Variants in TRIP12 observed in about 807,000 individuals in gnomAD.
TRIP12 encodes the protein thyroid hormone receptor interactor 12, also known as E3 ubiquitin-protein ligase TRIP12.
In TRIP12, 25 loss-of-function variants were observed where a neutral mutation model predicts 244.2. The observed-to-expected ratio is 0.10, with a 90% CI of 0.07 to 0.14. TRIP12 has a LOEUF of 0.14. TRIP12 is among the 10% of genes least tolerant of loss of function. TRIP12 has a pLI of 1.00. For synonymous variants in TRIP12, 905 were observed against 873.1 expected (o/e 1.04, Z -0.64); for missense variants, 1,677 against 2,486.4 (o/e 0.67, Z 6.92).
At chr2:229,804,529 T>C (rs766082466) in intron 18 of TRIP12, among the ~76,000 whole-genome samples, 4 of 152,104 alleles carry the variant, frequency 2.6e-5, no homozygotes, top group Non-Finnish European at 4.4e-5. Context: ...AATGAAACAA[T>C]AGGGAAATCC....
chr2:229,887,346 G>C (rs994367715), intron 1 of TRIP12, among the ~76,000 whole-genome samples: 1 of 152,228 alleles, frequency 6.6e-6, no homozygotes, highest in Non-Finnish European at 1.5e-5. Context: ...TGAAATGCTA[G>C]AGCAGTGAGG....
At position 229,818,355 on chromosome 2, in the gene TRIP12, T is replaced by G; in HGVS notation, c.1599+9A>C. The G allele has an allele frequency of 6.2e-7, 1 of 1,613,046 alleles. No individual in the cohort carries two copies. Among genetic ancestry groups the G allele is most frequent in the East Asian group, 2.2e-5 (1 of 44,832 alleles). On this transcript the variant is annotated intron_variant, in intron 9 of 41. Coordinates refer to ENST00000675903, the MANE Select transcript of TRIP12 (RefSeq NM_001348323.3). ...TGAGGTAAAAACGAGGGAAAAACAT[T>G]ATGCTTACCAAAGCTGGAACAACAC...
intron 1 of TRIP12, among the ~76,000 whole-genome samples, chr2:229,916,132 T>C (rs2075337585): frequency 6.6e-6 from 1 of 152,224 alleles, no homozygotes; most frequent in Non-Finnish European, 1.5e-5. Flanking sequence ...GAGCCTAATC[T>C]AAATACAGAA....
chr2:229,799,459 A>G (rs1411499820), intron 21 of TRIP12, 76 bp from the exon 22 acceptor site: 4 of 1,325,542 alleles, frequency 3.0e-6, no homozygotes, highest in Non-Finnish European at 4.3e-6. Context: ...AAAGCAAACT[A>G]AAATGGCAGA....
intron 38 of TRIP12, among the ~76,000 whole-genome samples, chr2:229,773,078 T>C (rs1395982554): frequency 1.4e-5 from 2 of 142,946 alleles, no homozygotes; most frequent in Non-Finnish European, 3.2e-5. Context: ...AATATATACA[T>C]GCTTTTTTTT....
At position 229,921,979 on chromosome 2, in the gene TRIP12, G is replaced by C. The variant is rs1048347194; in HGVS notation, c.-149C>G. The stretch of plus-strand genomic sequence containing the variant: ...CCAGCGGCGCGGCGGCGGCGGCTCC[G>C]GGTTCCTTCAATTATCAGCTGAGCC... On this transcript the variant is annotated 5_prime_UTR_variant, in exon 1 of 42. Coordinates refer to ENST00000675903, the MANE Select transcript of TRIP12 (RefSeq NM_001348323.3). 7.8e-6 allele frequency: 1 copy of C among 127,822 alleles called. No individual in the cohort carries two copies. The allele number at this position is 127,822 out of a possible 1,614,324, so 7.9% of individuals were successfully genotyped here.
chr2:229,784,840 A>G (rs893368528), intron 34 of TRIP12, among the ~76,000 whole-genome samples: 3 of 152,258 alleles, frequency 2.0e-5, no homozygotes, highest in Admixed American at 2.0e-4. Flanking sequence ...AAAATGTGAC[A>G]GCCACTTTGG....
chr2:229,922,012 C>G (rs1183025036), upstream of TRIP12: 1 of 152,556 alleles, frequency 6.6e-6, no homozygotes, highest in Non-Finnish European at 1.5e-5. Context: ...GCCGCAGCAC[C>G]GCGCCCGGCG....
chr2:229,800,614 T>A (rs1169208665), intron 21 of TRIP12, among the ~76,000 whole-genome samples: 1 of 152,230 alleles, frequency 6.6e-6, no homozygotes. Context: ...ACATGAATTT[T>A]TCATTTGCAA....
intron 7 of TRIP12, 63 bp downstream of exon 7, chr2:229,830,693 A>G: frequency 6.9e-7 from 1 of 1,451,136 alleles, no homozygotes; most frequent in Non-Finnish European, 9.6e-7. Context: ...AATTTCAATA[A>G]AGAATGGTAT....
rs763557758 is a variant in TRIP12, at chr2:229,802,430, C to T, written c.3028G>A (p.Glu1010Lys). 2 of 1,613,718 alleles carry T rather than the reference C, an allele frequency of 1.2e-6. No individual in the cohort carries two copies. Among genetic ancestry groups the T allele is most frequent in the Non-Finnish European group, 1.7e-6 (2 of 1,179,788 alleles). The change falls in exon 21 of 42, where the codon GAA (glutamate) becomes AAA (lysine). Residue 1010 changes from glutamate (E) to lysine (K), a missense_variant. Physicochemically the swap from Glu to Lys is moderately conservative, Grantham distance 56. Coordinates refer to ENST00000675903, the MANE Select transcript of TRIP12 (RefSeq NM_001348323.3). ...GVMHQVKHLA[E>K]SESLLTSPPK... ...GGACTTGTCAACAAAGACTCTGATT[C>T]TGCTAAGTGTTTTACTTGATGCATT...
At position 229,858,858 on chromosome 2, in the gene TRIP12, A is replaced by G; in HGVS notation, c.941T>C (p.Leu314Pro). ...TGGAAGAGACAGTTTTGTTTTAGGA[A>G]GGCTAACTTTAGGGCTGAAACGAGC... ...WAARFSPKVS[L>P]PKTKLSLPGS... is the part of the protein sequence containing the mutation. The change falls in exon 4 of 42, where the codon CTT (leucine) becomes CCT (proline). Residue 314 changes from leucine (L) to proline (P), a missense_variant. Physicochemically the swap from Leu to Pro is moderately conservative, Grantham distance 98. This residue lies in a region of TRIP12 where 387 missense variants were observed against 392.6 expected (regional missense o/e 0.99). Transcript: ENST00000675903. 6.2e-7 allele frequency: 1 copy of G among 1,614,212 alleles called. No homozygotes were observed. The highest frequency in any genetic ancestry group is 8.5e-7 in the Non-Finnish European group (1 of 1,180,026).
At chr2:229,868,234 G>A (rs1387880052) in intron 2 of TRIP12, among the ~76,000 whole-genome samples, 1 of 152,040 alleles carries the variant, frequency 6.6e-6, no homozygotes, top group Non-Finnish European at 1.5e-5. Flanking sequence ...TTGAGACAGG[G>A]TCTCTAGTCC....
chr2:229,886,327 T>C (rs978965531), intron 1 of TRIP12, among the ~76,000 whole-genome samples: 11 of 152,084 alleles, frequency 7.2e-5, no homozygotes, highest in Non-Finnish European at 4.4e-5. Flanking sequence ...AAAAGTTCTA[T>C]AGAGAAATTA....
At chr2:229,872,716 T>C (rs2062887051) in intron 2 of TRIP12, among the ~76,000 whole-genome samples, 1 of 152,212 alleles carries the variant, frequency 6.6e-6, no homozygotes, top group Non-Finnish European at 1.5e-5. Context: ...TCTAAAATCT[T>C]CCTGTCTTTT....
At chr2:229,840,398 A>T (rs1416713976) in intron 5 of TRIP12, among the ~76,000 whole-genome samples, 2 of 152,180 alleles carry the variant, frequency 1.3e-5, no homozygotes, top group African/African-American at 4.8e-5. Flanking sequence ...GTAAAAAAAA[A>T]TTTAAATAAT....
intron 26 of TRIP12, 66 bp downstream of exon 26, chr2:229,795,113 T>C (rs1418684016): frequency 1.9e-6 from 3 of 1,556,774 alleles, no homozygotes; most frequent in African/African-American, 2.7e-5. Flanking sequence ...CCTCTTGCCA[T>C]CTTACTTCAG....
At chr2:229,809,766 G>C (rs1280616567) in intron 15 of TRIP12, among the ~76,000 whole-genome samples, 1 of 152,186 alleles carries the variant, frequency 6.6e-6, no homozygotes, top group African/African-American at 2.4e-5. Flanking sequence ...GCTTTACGGA[G>C]AATCTTTCCA....
rs964518185 is a variant in TRIP12, at chr2:229,766,336, T to C, written c.*1218A>G. ...ATTTCCTTGCATTGAAATACATCTATACAATTGAAAGTTATGCATACAGCA... is the reference window on the plus strand; with the variant it reads ...ATTTCCTTGCATTGAAATACATCTACACAATTGAAAGTTATGCATACAGCA... On this transcript the variant is annotated 3_prime_UTR_variant, in exon 42 of 42. Transcript: ENST00000675903. 1.3e-5 allele frequency: 2 copies of C among 152,214 alleles called. No individual in the cohort carries two copies. Among genetic ancestry groups the C allele is most frequent in the African/African-American group, 2.4e-5 (1 of 41,458 alleles). The allele number at this position is 152,214 out of a possible 1,614,324, so 9.4% of individuals were successfully genotyped here. A position where few individuals can be genotyped will look rare whatever the true frequency, so the allele number is the denominator to read the frequency against.
Sources: gnomAD v4.1 joint callset for allele counts (sites outside exome capture counted in the v4.1 genomes callset) on GRCh38, gnomAD v4.1.1 for gene constraint, gnomAD v4.1.1 regional missense constraint, MANE v1.5 for transcripts, NCBI Gene and HGNC (gene_info 2026-07-23, HGNC 2026-07-21) for gene names.